The following BBS9 variants were observed in gnomAD, a reference collection of about 807,000 sequenced individuals.
BBS9 encodes protein PTHB1.
A neutral mutation model predicts 117.7 loss-of-function variants in BBS9; 89 were observed. That is an observed-to-expected ratio of 0.76 (90% CI 0.64 to 0.90). BBS9 has a LOEUF of 0.90. Ranked by LOEUF, BBS9 falls within the 40% of genes least tolerant of loss-of-function variation. BBS9 has a pLI of 0.00. For synonymous variants in BBS9, 379 were observed against 370.9 expected (o/e 1.02, Z -0.25); for missense variants, 982 against 1,042.2 (o/e 0.94, Z 0.80).
At chr7:33,592,391 C>T (rs896192178) in intron 21 of BBS9, among the ~76,000 whole-genome samples, 1 of 152,110 alleles carries the variant, frequency 6.6e-6, no homozygotes, top group Non-Finnish European at 1.5e-5. Flanking sequence ...ATACATGATA[C>T]TTGCCATGTC....
chr7:33,258,720 A>G (rs1438783500), intron 6 of BBS9, among the ~76,000 whole-genome samples: 1 of 152,206 alleles, frequency 6.6e-6, no homozygotes, highest in Non-Finnish European at 1.5e-5. Context: ...CCTGCCAAGT[A>G]GTGCTATGCT....
chr7:33,325,929 G>T (rs1001993482), intron 9 of BBS9, among the ~76,000 whole-genome samples: 2 of 152,108 alleles, frequency 1.3e-5, no homozygotes, highest in Non-Finnish European at 2.9e-5. Flanking sequence ...GAGTATGCTG[G>T]GTAAGAGCTG....
chr7:33,335,386 C>A (rs1382202415), intron 9 of BBS9, among the ~76,000 whole-genome samples: 1 of 151,892 alleles, frequency 6.6e-6, no homozygotes, highest in Admixed American at 6.6e-5. Flanking sequence ...TAATATCTAA[C>A]CTTTAGAACC....
intron 21 of BBS9, among the ~76,000 whole-genome samples, chr7:33,591,778 A>G (rs1388088966): frequency 6.6e-6 from 1 of 151,954 alleles, no homozygotes. Context: ...GTGTCATATT[A>G]TCTTGTGGGT....
At chr7:33,405,098 A>G (rs1049708610) in intron 19 of BBS9, among the ~76,000 whole-genome samples, 1 of 152,194 alleles carries the variant, frequency 6.6e-6, no homozygotes, top group African/African-American at 2.4e-5. Flanking sequence ...ATCTATTGAG[A>G]TAATCATGTG....
intron 19 of BBS9, among the ~76,000 whole-genome samples, chr7:33,402,843 C>A (rs1320119628): frequency 6.6e-6 from 1 of 151,938 alleles, no homozygotes; most frequent in Non-Finnish European, 1.5e-5. Flanking sequence ...TCTTACCTCT[C>A]TTCCTTCCTC....
At chr7:33,448,437 C>G (rs1487766397) in intron 19 of BBS9, among the ~76,000 whole-genome samples, 1 of 152,102 alleles carries the variant, frequency 6.6e-6, no homozygotes, top group Non-Finnish European at 1.5e-5. Context: ...GGGTAGGACT[C>G]CAGAACAAAG....
At chr7:33,550,357 A>G (rs1854197729) in intron 21 of BBS9, among the ~76,000 whole-genome samples, 3 of 152,192 alleles carry the variant, frequency 2.0e-5, no homozygotes, top group Non-Finnish European at 2.9e-5. Context: ...CATCCAATCA[A>G]TTACTCATGT....
At chr7:33,519,408 G>A (rs183418771) in intron 20 of BBS9, among the ~76,000 whole-genome samples, 2 of 152,294 alleles carry the variant, frequency 1.3e-5, no homozygotes, top group South Asian at 2.1e-4. Flanking sequence ...TGCAATGAGT[G>A]TTTGTACTTC....
In BBS9 at chr7:33,605,206, C is replaced by G; in HGVS notation, c.2644C>G (p.Leu882Val). Residue 882 changes from leucine to valine, a missense_variant, in exon 23 of 23, where the codon CTC becomes GTC. Transcript: ENST00000242067. ...AETPRPEVSP[L>V]QGVSE Reference sequence around the variant, plus strand: ...CTCTTTTTTTCCAGAAGTTTCACCCCTCCAAGGAGTCTCGGAATAATTCAA... The same window carrying G: ...CTCTTTTTTTCCAGAAGTTTCACCCGTCCAAGGAGTCTCGGAATAATTCAA... 6.2e-7 allele frequency: 1 copy of G among 1,612,776 alleles called. No individual in the cohort carries two copies. The highest frequency in any genetic ancestry group is 8.5e-7 in the Non-Finnish European group (1 of 1,178,780).
At chr7:33,577,730 G>A (rs980645462) in intron 21 of BBS9, among the ~76,000 whole-genome samples, 2 of 152,098 alleles carry the variant, frequency 1.3e-5, no homozygotes, top group African/African-American at 4.8e-5. Context: ...CCATAAAAAA[G>A]GATAAGATCA....
At chr7:33,240,046 T>A (rs1794216565) in intron 5 of BBS9, among the ~76,000 whole-genome samples, 1 of 152,130 alleles carries the variant, frequency 6.6e-6, no homozygotes, top group South Asian at 2.1e-4. Context: ...GGGCTCCAGT[T>A]TTCCCCCCAA....
intron 19 of BBS9, among the ~76,000 whole-genome samples, chr7:33,504,079 T>G (rs1845821658): frequency 6.6e-6 from 1 of 152,220 alleles, no homozygotes; most frequent in African/African-American, 2.4e-5. Context: ...CAACAAATTA[T>G]AAGATCCTGT....
At chr7:33,340,195 A>T (rs17398949) in intron 10 of BBS9, among the ~76,000 whole-genome samples, 17,189 of 152,070 alleles carry the variant, frequency 0.11, 1,151 homozygotes, top group Non-Finnish European at 0.15. Flanking sequence ...GGCAATCCTT[A>T]TCAAGAGCTT....
intron 21 of BBS9, among the ~76,000 whole-genome samples, chr7:33,584,488 G>C (rs1860549581): frequency 6.6e-6 from 1 of 151,688 alleles, no homozygotes; most frequent in Non-Finnish European, 1.5e-5. Flanking sequence ...TAGTTCACTG[G>C]CATTTTTAAA....
At chr7:33,347,612 T>C (rs970493909) in intron 12 of BBS9, among the ~76,000 whole-genome samples, 6 of 152,188 alleles carry the variant, frequency 3.9e-5, no homozygotes, top group African/African-American at 1.4e-4. Flanking sequence ...TCAAAATTTT[T>C]ATGTTTTTAA....
At chr7:33,369,717 C>A (rs1822500791) in intron 17 of BBS9, among the ~76,000 whole-genome samples, 1 of 152,126 alleles carries the variant, frequency 6.6e-6, no homozygotes, top group African/African-American at 2.4e-5. Flanking sequence ...GAGATTGAGG[C>A]AGATGTTGGT....
chr7:33,505,076 T>C (rs760174871), intron 19 of BBS9, among the ~76,000 whole-genome samples: 5 of 152,230 alleles, frequency 3.3e-5, no homozygotes, highest in Non-Finnish European at 5.9e-5. Context: ...CAAATGCAAT[T>C]ATTCTTCTGA....
At chr7:33,545,902 C>T (rs1853258215) in intron 21 of BBS9, among the ~76,000 whole-genome samples, 1 of 134,290 alleles carries the variant, frequency 7.4e-6, no homozygotes, top group African/African-American at 2.8e-5. Context: ...TTGGATCATA[C>T]TATACCTACT....
Sources: allele counts gnomAD v4.1 joint callset (sites outside exome capture counted in the v4.1 genomes callset), GRCh38; gene constraint gnomAD v4.1.1; transcripts MANE v1.5; gene names NCBI Gene and HGNC (gene_info 2026-07-23, HGNC 2026-07-21).